Variants in APPL2 observed in about 807,000 individuals in gnomAD.
APPL2 encodes adaptor protein, phosphotyrosine interacting with PH domain and leucine zipper 2.
A neutral mutation model predicts 92.7 loss-of-function variants in APPL2; 84 were observed. That is an observed-to-expected ratio of 0.91 (90% CI 0.76 to 1.09). APPL2 has a LOEUF of 1.09. Ranked by LOEUF, APPL2 falls within the 50% of genes least tolerant of loss-of-function variation. APPL2 has a pLI of 0.00. For missense variants in APPL2, 736 were observed against 824.5 expected (o/e 0.89, Z 1.31); for synonymous variants, 291 against 291.0 (o/e 1.00, Z 0.00).
At chr12:105,208,662 G>A (rs543259819) in intron 5 of APPL2, among the ~76,000 whole-genome samples, 14 of 152,270 alleles carry the variant, frequency 9.2e-5, no homozygotes, top group Non-Finnish European at 1.8e-4. Context: ...AAAGGAATAC[G>A]CGGTGCTTGT....
intron 2 of APPL2, among the ~76,000 whole-genome samples, chr12:105,228,273 C>T (rs932795481): frequency 3.3e-5 from 5 of 152,186 alleles, no homozygotes; most frequent in Non-Finnish European, 7.3e-5. Flanking sequence ...CTGTATCAGT[C>T]GAGCTTCCCA....
At position 105,175,926 on chromosome 12, in the gene APPL2, T is replaced by C. The variant is rs1054077516; in HGVS notation, c.1860+109A>G. The C allele has an allele frequency of 6.4e-6, 7 of 1,098,292 alleles. No homozygotes were observed. In the African/African-American group the frequency reaches 1.2e-4, roughly 18 times the overall value. The allele number at this position is 1,098,292 out of a possible 1,614,324, so 68.0% of individuals were successfully genotyped here. On this transcript the variant is annotated intron_variant, in intron 20 of 20. Transcript: ENST00000258530. The stretch of plus-strand genomic sequence containing the variant: ...ATACTTTTAAAAGGAAATCCCAAAC[T>C]TGGCCACACTTTCCAGTGAACATCA...
In APPL2 at chr12:105,217,106, A is replaced by G. The variant is rs1249894605; in HGVS notation, c.248T>C (p.Ile83Thr). ...FALGKGDEEVISTLHYFSKVV... is the reference protein window; with the variant it reads ...FALGKGDEEVTSTLHYFSKVV... ...TTTGGAAAAATAGTGGAGTGTTGAA[A>G]TTACTTCTTCATCACCTTTGCCAAG... The change falls in exon 4 of 21, where the codon ATT (isoleucine) becomes ACT (threonine). Residue 83 changes from isoleucine to threonine, a missense_variant. By Grantham distance (89) the Ile-to-Thr change is moderately conservative. Transcript: ENST00000258530. 6.2e-7 allele frequency: 1 copy of G among 1,611,166 alleles called. No individual in the cohort carries two copies. The highest frequency in any genetic ancestry group is 1.1e-5 in the South Asian group (1 of 90,692).
rs1890703467 is a variant in APPL2, at chr12:105,228,696, A to C, written c.153+429T>G. Among the ~76,000 whole-genome samples, 3 of 152,198 alleles carry C rather than the reference A, an allele frequency of 2.0e-5. No individual in the cohort carries two copies. The South Asian group carries it at 6.2e-4, about 32-fold the overall frequency. ...CAAAGAAGCCACCCGATAGTTTCAGAACTGTGACTCAAGTCTTTTCAGAGG... is the reference window on the plus strand; with the variant it reads ...CAAAGAAGCCACCCGATAGTTTCAGCACTGTGACTCAAGTCTTTTCAGAGG... On this transcript the variant is annotated intron_variant, in intron 2 of 20. Transcript: ENST00000258530.
At chr12:105,174,659 A>C (rs1050625271) in intron 20 of APPL2, among the ~76,000 whole-genome samples, 3 of 152,190 alleles carry the variant, frequency 2.0e-5, no homozygotes, top group African/African-American at 7.2e-5. Context: ...AATATTGTTT[A>C]CGTAGTCAAT....
chr12:105,184,819 G>A (rs953706199), intron 17 of APPL2, among the ~76,000 whole-genome samples: 1 of 152,208 alleles, frequency 6.6e-6, no homozygotes, highest in Non-Finnish European at 1.5e-5. Context: ...AGAGCTGGCA[G>A]GCAGGAACAT....
chr12:105,179,669 C>T (rs1237965371), intron 17 of APPL2, among the ~76,000 whole-genome samples: 1 of 152,216 alleles, frequency 6.6e-6, no homozygotes, highest in African/African-American at 2.4e-5. Context: ...TTAATGATCG[C>T]CATTCTAACT....
chr12:105,203,825 G>T, intron 8 of APPL2, 40 bp from the exon 9 acceptor site: 8 of 1,568,044 alleles, frequency 5.1e-6, no homozygotes, highest in Non-Finnish European at 7.0e-6. Flanking sequence ...ATCATCCAGG[G>T]AAGTGATCAG....
At chr12:105,186,665 CATATATATG>C (rs1886704786) in intron 17 of APPL2, among the ~76,000 whole-genome samples, 1 of 109,904 alleles carries the variant, frequency 9.1e-6, no homozygotes, top group African/African-American at 3.7e-5. Context: ...TCATATATAT[CATATATATG>C]ATATATCATA....
rs1467771017 is a variant in APPL2, at chr12:105,206,246, T to C, written c.621+815A>G. On this transcript the variant is annotated intron_variant, in intron 8 of 20. Coordinates refer to ENST00000258530, the MANE Select transcript of APPL2 (RefSeq NM_018171.5). ...GTATTATAGAAGTATTAGATGTTCATATATCAGGTATTTTTAAGTTGGTGA... is the reference window on the plus strand; with the variant it reads ...GTATTATAGAAGTATTAGATGTTCACATATCAGGTATTTTTAAGTTGGTGA... Among the ~76,000 whole-genome samples, 5 of 152,260 alleles carry C rather than the reference T, an allele frequency of 3.3e-5. No homozygotes were observed. In the South Asian group the frequency reaches 6.2e-4, roughly 19 times the overall value.
At chr12:105,178,724 C>G (rs1482307285) in intron 17 of APPL2, among the ~76,000 whole-genome samples, 2 of 152,172 alleles carry the variant, frequency 1.3e-5, no homozygotes, top group Non-Finnish European at 2.9e-5. Flanking sequence ...TAAGAACCCC[C>G]ACTTCCAAGA....
chr12:105,195,874 G>T (rs753603090), intron 11 of APPL2, among the ~76,000 whole-genome samples: 9 of 152,030 alleles, frequency 5.9e-5, no homozygotes, highest in Non-Finnish European at 1.3e-4. Flanking sequence ...GGGCAACATG[G>T]TGAAACCCCC....
rs757936415 is a variant in APPL2 at position 105,195,630 on chromosome 12, G to A, written c.1053-3C>T. 3.1e-6 allele frequency: 5 copies of A among 1,614,014 alleles called. No individual in the cohort carries two copies. Among genetic ancestry groups the A allele is most frequent in the Non-Finnish European group, 4.2e-6 (5 of 1,180,018 alleles). ...TCTCAGCCTGGAGGATTATTCCCCT[G>A]AAACAAAAGTGTCTAAGTAATTAAG... On this transcript the variant is annotated splice_region_variant and splice_polypyrimidine_tract_variant and intron_variant, in intron 11 of 20. Transcript: ENST00000258530.
At chr12:105,203,537 T>C (rs1201096536) in intron 9 of APPL2, 166 bp downstream of exon 9, 1 of 641,926 alleles carries the variant, frequency 1.6e-6, no homozygotes, top group Non-Finnish European at 2.8e-6. Flanking sequence ...CAGATATTTA[T>C]GAATATTGGC....
intron 1 of APPL2, among the ~76,000 whole-genome samples, 156 bp from the exon 2 acceptor site, chr12:105,229,379 C>A (rs571717216): frequency 6.6e-6 from 1 of 152,260 alleles, no homozygotes; most frequent in East Asian, 1.9e-4. Flanking sequence ...AGTACCAGTA[C>A]CATTTGATTC....
intron 7 of APPL2, 31 bp downstream of exon 7, chr12:105,207,940 A>G (rs1300792394): frequency 9.4e-6 from 15 of 1,588,866 alleles, no homozygotes; most frequent in Non-Finnish European, 1.3e-5. Flanking sequence ...TATGTAAATG[A>G]AGTGAAAAAC....
chr12:105,233,079 T>C, intron 1 of APPL2: 7 of 985,250 alleles, frequency 7.1e-6, no homozygotes, highest in Non-Finnish European at 8.4e-6. Context: ...ACCTCAAAAG[T>C]GTACTACTTA....
At chr12:105,231,843 T>C (rs1890941020) in intron 1 of APPL2, among the ~76,000 whole-genome samples, 1 of 152,186 alleles carries the variant, frequency 6.6e-6, no homozygotes, top group African/African-American at 2.4e-5. Context: ...CTGGAAAAAA[T>C]ATAACCAGCT....
chr12:105,217,178 A>G, intron 3 of APPL2, 38 bp from the exon 4 acceptor site: 2 of 1,408,204 alleles, frequency 1.4e-6, no homozygotes, highest in Non-Finnish European at 2.0e-6. Context: ...TGTTAAGTGA[A>G]TACTGGGGAA....
Sources: allele counts gnomAD v4.1 joint callset (sites outside exome capture counted in the v4.1 genomes callset), GRCh38; gene constraint gnomAD v4.1.1; transcripts MANE v1.5; gene names NCBI Gene and HGNC (gene_info 2026-07-23, HGNC 2026-07-21).